The following IL16 variants were observed in gnomAD, a reference collection of about 807,000 sequenced individuals.
The protein encoded by IL16 is interleukin 16.
In IL16, 67 loss-of-function variants were observed where a neutral mutation model predicts 110.1. That is an observed-to-expected ratio of 0.61 (90% CI 0.50 to 0.75). The LOEUF is 0.75. IL16 is among the 30% of genes least tolerant of loss of function. The pLI is 0.00. For synonymous variants in IL16, 689 were observed against 662.9 expected (o/e 1.04, Z -0.61); for missense variants, 1,545 against 1,655.0 (o/e 0.93, Z 1.15).
chr15:81,187,300 A>C (rs148602229), intron 1 of IL16, among the ~76,000 whole-genome samples: 5 of 152,324 alleles, frequency 3.3e-5, no homozygotes, highest in Non-Finnish European at 7.4e-5. Context: ...GCAAGGCATA[A>C]AATGTTATCA....
intron 3 of IL16, among the ~76,000 whole-genome samples, chr15:81,261,170 TC>T (rs1232982576): frequency 7.9e-5 from 12 of 152,250 alleles, no homozygotes; most frequent in African/African-American, 2.9e-4. Context: ...TTGGTAGGAC[TC>T]ACTGTAAAAT....
chr15:81,195,773 G>A (rs1199570339), upstream of IL16, among the ~76,000 whole-genome samples: 1 of 152,192 alleles, frequency 6.6e-6, no homozygotes, highest in African/African-American at 2.4e-5. Flanking sequence ...AGCCTAGCAT[G>A]TACACAGGGC....
chr15:81,276,448 C>T (rs1283600905), intron 6 of IL16, among the ~76,000 whole-genome samples: 2 of 152,254 alleles, frequency 1.3e-5, no homozygotes, highest in Non-Finnish European at 2.9e-5. Context: ...GATTTGAATG[C>T]CCACATGGGC....
At position 81,249,503 on chromosome 15, in the gene IL16, A is replaced by G. The variant is rs544272630; in HGVS notation, c.313-10269A>G. Among the ~76,000 whole-genome samples the G allele has an allele frequency of 8.5e-5, 13 of 152,302 alleles. No homozygotes were observed. In the South Asian group the frequency reaches 2.7e-3, roughly 32 times the overall value. On this transcript the variant is annotated intron_variant, in intron 2 of 18. Coordinates refer to ENST00000683961, the MANE Select transcript of IL16 (RefSeq NM_172217.5). ...TCTATGTTGATGATTACACTGAACT[A>G]ATCATTACACTGCTATATGACTTAT...
intron 1 of IL16, among the ~76,000 whole-genome samples, chr15:81,216,112 G>A (rs1436624771): frequency 6.6e-6 from 1 of 152,198 alleles, no homozygotes; most frequent in Non-Finnish European, 1.5e-5. Flanking sequence ...AGGTCAGCTG[G>A]GGCCAGCGCC....
chr15:81,182,919 T>A, intron 1 of IL16: 1 of 1,282,890 alleles, frequency 7.8e-7, no homozygotes, highest in Non-Finnish European at 1.0e-6. Flanking sequence ...CCTTCTCCTA[T>A]CCCAGGGGAC....
In IL16 at chr15:81,273,203, A is replaced by C. The variant is rs1433129187; in HGVS notation, c.789A>C (p.Glu263Asp). ...GAAAADGRLQEGDEILELNGE... is the reference protein window; with the variant it reads ...GAAAADGRLQDGDEILELNGE... The stretch of plus-strand genomic sequence containing the variant: ...CAGCAGCCGATGGAAGGCTACAGGA[A>C]GGTAGGCTTCCCAGCCCTTTTCAGA... Residue 263 changes from glutamate to aspartate, a missense_variant and splice_region_variant, in exon 6 of 19, where the codon GAA (glutamate) becomes GAC (aspartate). Glu to Asp is a conservative substitution (Grantham distance 45, BLOSUM62 2). Around this residue, in one of 3 missense-constraint regions of IL16, gnomAD observed 1,185 missense variants for 1,238.8 expected, o/e 0.96. Transcript: ENST00000683961. The C allele has an allele frequency of 6.2e-7, 1 of 1,603,456 alleles. No homozygotes were observed. The highest frequency in any genetic ancestry group is 1.1e-5 in the South Asian group (1 of 90,266).
chr15:81,199,019 C>CAAAAA (rs71451567), intron 1 of IL16, among the ~76,000 whole-genome samples: 2 of 79,284 alleles, frequency 2.5e-5, no homozygotes, highest in East Asian at 8.4e-4. Context: ...GACTCCATCT[C>CAAAAA]AAAAAAAAAA....
At chr15:81,203,006 T>C (rs879732267) in intron 1 of IL16, among the ~76,000 whole-genome samples, 294 of 152,162 alleles carry the variant, frequency 1.9e-3, no homozygotes, top group Middle Eastern at 3.4e-3. Context: ...GACTTTTTAA[T>C]GATCACCATT....
At chr15:81,217,050 G>A (rs944517970) in intron 1 of IL16, among the ~76,000 whole-genome samples, 2 of 152,104 alleles carry the variant, frequency 1.3e-5, no homozygotes, top group African/African-American at 4.8e-5. Context: ...ATAAAAGCAA[G>A]AAGGAGAAAA....
rs761019455 is a variant in IL16 at position 81,299,818 on chromosome 15, G to A, written c.2492G>A (p.Arg831Gln). The change falls in exon 14 of 19, where the codon CGG becomes CAG. Residue 831 changes from arginine to glutamine, a missense_variant. This residue lies in a region of IL16 where 1,185 missense variants were observed against 1,238.8 expected (regional missense o/e 0.96). Transcript: ENST00000683961. Reference sequence around the variant, plus strand: ...AGGGAGCACCTAGGATCACACATCCGGGCCTCCTCCTCCTCCTCCTCCATC... The same window carrying A: ...AGGGAGCACCTAGGATCACACATCCAGGCCTCCTCCTCCTCCTCCTCCATC... The part of the protein sequence containing the change: ...ASREHLGSHI[R>Q]ASSSSSSIRQ... 35 of 1,613,816 alleles carry A rather than the reference G, an allele frequency of 2.2e-5. No individual in the cohort carries two copies. In the Middle Eastern group the frequency reaches 8.2e-4, roughly 38 times the overall value.
chr15:81,302,251 G>A (rs1900325049), intron 15 of IL16: 2 of 152,266 alleles, frequency 1.3e-5, no homozygotes, highest in African/African-American at 2.4e-5. Context: ...GAGTGTAGGT[G>A]AGTCTGATGA....
intron 2 of IL16, among the ~76,000 whole-genome samples, chr15:81,228,352 G>A (rs545932696): frequency 7.6e-5 from 11 of 145,170 alleles, no homozygotes; most frequent in African/African-American, 2.5e-4. Flanking sequence ...ACGGAGTCTC[G>A]CTCTGTTGCC....
At chr15:81,197,331 T>C (rs1895633359) in intron 1 of IL16, among the ~76,000 whole-genome samples, 179 bp downstream of exon 1, 1 of 152,216 alleles carries the variant, frequency 6.6e-6, no homozygotes, top group Non-Finnish European at 1.5e-5. Context: ...TAGGAATCTC[T>C]GTGTCACCAT....
At chr15:81,209,855 C>T (rs1344901954) in intron 1 of IL16, among the ~76,000 whole-genome samples, 1 of 152,200 alleles carries the variant, frequency 6.6e-6, no homozygotes, top group Admixed American at 6.5e-5. Context: ...GCCATGGTTA[C>T]ACTGATTTCA....
At chr15:81,280,892 G>A (rs1169195512) in intron 8 of IL16, among the ~76,000 whole-genome samples, 1 of 152,200 alleles carries the variant, frequency 6.6e-6, no homozygotes, top group Non-Finnish European at 1.5e-5. Context: ...AAATGGGAAA[G>A]GCATGGCCTT....
chr15:81,303,234 T>C lies in IL16; in HGVS notation c.3319-315T>C, dbSNP rs1900384414. The C allele has an allele frequency of 4.1e-6, 1 of 243,190 alleles. No individual in the cohort carries two copies. Among genetic ancestry groups the C allele is most frequent in the Non-Finnish European group, 8.0e-6 (1 of 124,552 alleles). 15.1% of individuals were successfully genotyped at this position (243,190 alleles called of 1,614,324 possible). On this transcript the variant is annotated intron_variant, in intron 15 of 18. Transcript: ENST00000683961. The surrounding 1 kb of genome is among the most constrained non-coding windows in gnomAD (Gnocchi z 4.1). ...CCTGAAGTCCTACAACCTGACTTCA[T>C]CTCACACTGTCCAATATGCTGATTT...
intron 1 of IL16, among the ~76,000 whole-genome samples, chr15:81,205,697 G>A (rs570425347): frequency 6.6e-6 from 1 of 152,072 alleles, no homozygotes; most frequent in African/African-American, 2.4e-5. Context: ...CTCAGATTCA[G>A]TTTAAAAAAG....
chr15:81,186,307 T>G (rs1005765599), intron 1 of IL16, among the ~76,000 whole-genome samples: 48 of 152,376 alleles, frequency 3.2e-4, no homozygotes, highest in African/African-American at 1.1e-3. Flanking sequence ...TGCTGTTGTC[T>G]TTACTTCTCA....
Sources: gnomAD v4.1 joint callset for allele counts (sites outside exome capture counted in the v4.1 genomes callset) on GRCh38, gnomAD v4.1.1 for gene constraint, gnomAD v4.1.1 regional missense constraint, Gnocchi (gnomAD v3.1) non-coding constraint, MANE v1.5 for transcripts, NCBI Gene and HGNC (gene_info 2026-07-23, HGNC 2026-07-21) for gene names.